NECAB3: variants seen among roughly 807,000 people sequenced by gnomAD.
The protein encoded by NECAB3 is N-terminal EF-hand calcium binding protein 3.
Under a neutral mutation model 57.2 loss-of-function variants are expected in NECAB3, and 38 were observed. The observed-to-expected ratio is 0.66, with a 90% CI of 0.51 to 0.87. The LOEUF is 0.87. NECAB3 is among the 40% of genes least tolerant of loss of function. The pLI is 0.00. For synonymous variants in NECAB3, 223 were observed against 222.6 expected (o/e 1.00, Z -0.02); for missense variants, 474 against 527.5 (o/e 0.90, Z 0.99).
Position 33,660,106 on chromosome 20 carries a change from A to G in NECAB3, c.525-103T>C. The G allele has an allele frequency of 6.6e-7, 1 of 1,523,988 alleles. No individual in the cohort carries two copies. The highest frequency in any genetic ancestry group is 8.8e-7 in the Non-Finnish European group (1 of 1,138,254). 94.4% of individuals were successfully genotyped at this position (1,523,988 alleles called of 1,614,324 possible). A position where few individuals can be genotyped will look rare whatever the true frequency, so the allele number is the denominator to read the frequency against. On this transcript the variant is annotated intron_variant, in intron 6 of 11. Coordinates refer to ENST00000246190, the MANE Select transcript of NECAB3 (RefSeq NM_031232.4). This position sits in a 1 kb window ranked among gnomAD's most constrained non-coding sequence, Gnocchi z 4.1. ...CTGGGACTCCGAGGCCTAGCCCCAA[A>G]GCCAGTCTCATTTCACCCCGCCATG...
intron 5 of NECAB3, chr20:33,663,612 C>A: frequency 6.2e-7 from 1 of 1,610,578 alleles, no homozygotes; most frequent in Admixed American, 1.7e-5. Flanking sequence ...ACGCGTCCGG[C>A]GCTGGGCTGG....
Position 33,660,122 on chromosome 20 carries a change from C to T in NECAB3, c.525-119G>A. On this transcript the variant is annotated intron_variant, in intron 6 of 11. Coordinates refer to ENST00000246190, the MANE Select transcript of NECAB3 (RefSeq NM_031232.4). The surrounding 1 kb of genome is among the most constrained non-coding windows in gnomAD (Gnocchi z 4.1). ...TAGCCCCAAAGCCAGTCTCATTTCACCCCGCCATGGCTACCCTGCCATGGC... is the reference window on the plus strand; with the variant it reads ...TAGCCCCAAAGCCAGTCTCATTTCATCCCGCCATGGCTACCCTGCCATGGC... 2 of 1,525,550 alleles carry T rather than the reference C, an allele frequency of 1.3e-6. No homozygotes were observed. The highest frequency in any genetic ancestry group is 1.8e-6 in the Non-Finnish European group (2 of 1,138,696). 94.5% of individuals were successfully genotyped at this position (1,525,550 alleles called of 1,614,324 possible).
intron 1 of NECAB3, 92 bp from the exon 2 acceptor site, chr20:33,672,514 C>T (rs915992271): frequency 6.7e-7 from 1 of 1,495,426 alleles, no homozygotes; most frequent in Non-Finnish European, 9.3e-7. Flanking sequence ...GCTGGCCGAC[C>T]TACCCCCTGC....
At chr20:33,674,809 G>C (rs1330876993), upstream of NECAB3, 1 of 152,262 alleles carries the variant, frequency 6.6e-6, no homozygotes, top group Non-Finnish European at 1.5e-5. Flanking sequence ...ACGGGGGCTG[G>C]CGCAGAGGAA....
In NECAB3 at chr20:33,659,747, C is replaced by T. The variant is rs1012566748; in HGVS notation, c.644-15G>A. 3 of 1,572,780 alleles carry T rather than the reference C, an allele frequency of 1.9e-6. No individual in the cohort carries two copies. The highest frequency in any genetic ancestry group is 2.6e-6 in the Non-Finnish European group (3 of 1,162,818). ...TGAGCTGCGCCCTGTGTGTGGGGCC[C>T]GTGCAGGGTCAGGCAGGGGCCTCTC... On this transcript the variant is annotated splice_polypyrimidine_tract_variant and intron_variant, in intron 7 of 11. Transcript: ENST00000246190.
chr20:33,663,251 C>T, intron 5 of NECAB3: 1 of 518,272 alleles, frequency 1.9e-6, no homozygotes, highest in African/African-American at 2.0e-5. Context: ...GAAGGGATCT[C>T]ATAAACTTAG....
chr20:33,658,304 AG>A (rs1230101185), intron 10 of NECAB3, among the ~76,000 whole-genome samples, 172 bp downstream of exon 10: 2 of 152,074 alleles, frequency 1.3e-5, no homozygotes, highest in African/African-American at 4.8e-5. Flanking sequence ...TTTAGCCCAT[AG>A]GAGTTGGAAC....
intron 5 of NECAB3, chr20:33,663,857 C>G (rs2017574454): frequency 7.1e-7 from 1 of 1,401,464 alleles, no homozygotes. Context: ...TGCCCTCGCC[C>G]GCAGCTTTAA....
intron 5 of NECAB3, chr20:33,662,125 A>G: frequency 1.8e-6 from 1 of 556,480 alleles, no homozygotes; most frequent in South Asian, 2.3e-5. Context: ...TAAGCACCTT[A>G]CATGCATTGC....
At chr20:33,675,117 C>T (rs1340978633), upstream of NECAB3, 1 of 152,882 alleles carries the variant, frequency 6.5e-6, no homozygotes, top group African/African-American at 2.4e-5. Context: ...CCCGCTCCCT[C>T]CTGCCCAAGG....
chr20:33,658,001 T>G lies in NECAB3; in HGVS notation c.1103A>C (p.Gln368Pro). ...HQQSPGSKAF[Q>P]RILIDHLRAP... is the part of the protein sequence containing the mutation. ...CCGCAGGTGGTCGATGAGGATGCGC[T>G]GGAAGGCCTTGCTGCCAGGCGACTG... Residue 368 changes from glutamine (Q) to proline (P), a missense_variant, in exon 11 of 12, where the codon CAG becomes CCG. Physicochemically the swap from Gln to Pro is moderately conservative, Grantham distance 76. Coordinates refer to ENST00000246190, the MANE Select transcript of NECAB3 (RefSeq NM_031232.4). The G allele has an allele frequency of 6.4e-7, 1 of 1,554,364 alleles. No individual in the cohort carries two copies. Among genetic ancestry groups the G allele is most frequent in the Non-Finnish European group, 8.7e-7 (1 of 1,148,806 alleles).
At chr20:33,664,156 C>T in intron 5 of NECAB3, 1 of 397,188 alleles carries the variant, frequency 2.5e-6, no homozygotes, top group Non-Finnish European at 4.4e-6. Flanking sequence ...TCACATCCTG[C>T]CCAGTCTGCA....
In NECAB3 at chr20:33,662,128, T is replaced by C; in HGVS notation, c.388-1733A>G. 3.5e-6 allele frequency: 2 copies of C among 566,260 alleles called. 1 individual carries two copies. The highest frequency in any genetic ancestry group is 4.6e-5 in the South Asian group (2 of 43,820). The allele number at this position is 566,260 out of a possible 1,614,324, so 35.1% of individuals were successfully genotyped here. A position where few individuals can be genotyped will look rare whatever the true frequency, so the allele number is the denominator to read the frequency against. On this transcript the variant is annotated intron_variant, in intron 5 of 11. Coordinates refer to ENST00000246190, the MANE Select transcript of NECAB3 (RefSeq NM_031232.4). Reference sequence around the variant, plus strand: ...TCTATTCACCACTAAGCACCTTACATGCATTGCCTCATTTATGATCATTAG... The same window carrying C: ...TCTATTCACCACTAAGCACCTTACACGCATTGCCTCATTTATGATCATTAG...
chr20:33,660,259 C>T lies in NECAB3; in HGVS notation c.524G>A (p.Arg175Gln), dbSNP rs777446950. The T allele has an allele frequency of 1.9e-5, 31 of 1,612,278 alleles. No individual in the cohort carries two copies. The highest frequency in any genetic ancestry group is 4.5e-5 in the East Asian group (2 of 44,860). ...ACAGGTTGACAGCACCCTTACATAC[C>T]GCCAGCCATGGGCCTGGGCCTCCAG... ...DTLEAQAHGWRSDAESVEAQS... is the reference protein window; with the variant it reads ...DTLEAQAHGWQSDAESVEAQS... The change falls in exon 6 of 12, where the codon CGG becomes CAG. Residue 175 changes from arginine to glutamine, a missense_variant and splice_region_variant. Coordinates refer to ENST00000246190, the MANE Select transcript of NECAB3 (RefSeq NM_031232.4). This position sits in a 1 kb window ranked among gnomAD's most constrained non-coding sequence, Gnocchi z 4.1.
intron 5 of NECAB3, chr20:33,667,938 G>A (rs972239745): frequency 5.1e-6 from 8 of 1,555,908 alleles, no homozygotes; most frequent in East Asian, 2.4e-5. Context: ...CCTTCCGGGC[G>A]CTGCAGAAGA....
chr20:33,674,715 G>A (rs2017918158), upstream of NECAB3: 2 of 152,876 alleles, frequency 1.3e-5, no homozygotes, highest in African/African-American at 4.8e-5. Context: ...CACCTTTTGG[G>A]GCGTCTGTAT....
intron 1 of NECAB3, among the ~76,000 whole-genome samples, chr20:33,673,906 T>G (rs983167456): frequency 2.0e-5 from 3 of 151,952 alleles, no homozygotes; most frequent in African/African-American, 7.2e-5. Context: ...CCTTCCCCAG[T>G]CAGCCCAGCC....
rs1436112207 is a variant in NECAB3, at chr20:33,672,434, A to G, written c.130-12T>C. 6.2e-7 allele frequency: 1 copy of G among 1,613,966 alleles called. No homozygotes were observed. Among genetic ancestry groups the G allele is most frequent in the Non-Finnish European group, 8.5e-7 (1 of 1,179,986 alleles). Reference sequence around the variant, plus strand: ...GCTCTGCGGAAAACCTAGAGGACAAAGGGACATAGAGAGAACTGTGAGTGC... The same window carrying G: ...GCTCTGCGGAAAACCTAGAGGACAAGGGGACATAGAGAGAACTGTGAGTGC... On this transcript the variant is annotated splice_polypyrimidine_tract_variant and intron_variant, in intron 1 of 11. Coordinates refer to ENST00000246190, the MANE Select transcript of NECAB3 (RefSeq NM_031232.4).
rs1356041828 is a variant in NECAB3 at position 33,669,451 on chromosome 20, C to T, written c.311G>A (p.Gly104Asp). The T allele has an allele frequency of 1.9e-6, 3 of 1,613,748 alleles. No individual in the cohort carries two copies. The highest frequency in any genetic ancestry group is 1.1e-5 in the South Asian group (1 of 91,080). The change falls in exon 5 of 12, where the codon GGT becomes GAT. Residue 104 changes from glycine to aspartate, a missense_variant. Transcript: ENST00000246190. ...KLCDYFSEHL[G>D]VYRPVLAALE... The stretch of plus-strand genomic sequence containing the variant: ...TGCAGCCAGCACCGGCCGGTAGACA[C>T]CCAGGTGCTCTGAGAAGTAGTCTGC...
Sources: gnomAD v4.1 joint callset for allele counts (sites outside exome capture counted in the v4.1 genomes callset) on GRCh38, gnomAD v4.1.1 for gene constraint, Gnocchi (gnomAD v3.1) non-coding constraint, MANE v1.5 for transcripts, NCBI Gene and HGNC (gene_info 2026-07-23, HGNC 2026-07-21) for gene names.